Variants in BACH2 observed in about 807,000 individuals in gnomAD.
BACH2 encodes transcription regulator protein BACH2.
In BACH2, 5 loss-of-function variants were observed where a neutral mutation model predicts 61.8. The ratio of observed to expected loss-of-function variants is 0.08; its 90% CI spans 0.04 to 0.17. BACH2 has a LOEUF of 0.17. BACH2 is among the 10% of genes least tolerant of loss of function. The pLI is 1.00. For synonymous variants in BACH2, 446 were observed against 440.1 expected, an observed-to-expected ratio of 1.01 and a Z score of -0.17; for missense variants, 824 against 1,091.1, an observed-to-expected ratio of 0.76 and a Z score of 3.45.
At chr6:90,229,257 A>G (rs1299484126) in intron 3 of BACH2, among the ~76,000 whole-genome samples, 2 of 152,278 alleles carry the variant, frequency 1.3e-5, no homozygotes, top group Admixed American at 1.3e-4. Context: ...TCGGGAGTTC[A>G]AGACCAGCCT....
chr6:90,234,094 C>T (rs929529382), intron 3 of BACH2, among the ~76,000 whole-genome samples: 1 of 152,162 alleles, frequency 6.6e-6, no homozygotes, highest in Non-Finnish European at 1.5e-5. Context: ...AACACTGAGG[C>T]CAGCATCAGG....
At chr6:89,960,916 T>C (rs1347131177) in intron 6 of BACH2, among the ~76,000 whole-genome samples, 1 of 152,190 alleles carries the variant, frequency 6.6e-6, no homozygotes, top group Non-Finnish European at 1.5e-5. Flanking sequence ...AGGTATTTCT[T>C]TGGTTGTTTC....
chr6:90,129,325 A>C (rs945127575), intron 4 of BACH2, among the ~76,000 whole-genome samples: 1 of 152,100 alleles, frequency 6.6e-6, no homozygotes, highest in African/African-American at 2.4e-5. Flanking sequence ...CTTCTCTGTC[A>C]CATATTTCTT....
At chr6:90,238,227 C>G (rs1281050665) in intron 3 of BACH2, among the ~76,000 whole-genome samples, 1 of 152,094 alleles carries the variant, frequency 6.6e-6, no homozygotes, top group Non-Finnish European at 1.5e-5. Context: ...ATCGATCGAT[C>G]GATCATCTAT....
At chr6:90,246,566 A>G (rs888988845) in intron 3 of BACH2, among the ~76,000 whole-genome samples, 2 of 152,308 alleles carry the variant, frequency 1.3e-5, no homozygotes, top group South Asian at 4.1e-4. Context: ...ATGTTCTCTT[A>G]GTACAAACTG....
intron 4 of BACH2, among the ~76,000 whole-genome samples, chr6:90,170,890 A>G (rs1767788522): frequency 6.6e-6 from 1 of 152,208 alleles, no homozygotes; most frequent in African/African-American, 2.4e-5. Context: ...AGGAAATTAG[A>G]ACCTAGAGAA....
intron 1 of BACH2, among the ~76,000 whole-genome samples, chr6:90,293,443 G>A (rs1179709828): frequency 3.3e-5 from 5 of 152,194 alleles, no homozygotes; most frequent in African/African-American, 4.8e-5. Flanking sequence ...CAACAATACA[G>A]ATTGGCTTGA....
chr6:90,253,290 AG>A (rs1489006319), intron 2 of BACH2, among the ~76,000 whole-genome samples: 2 of 152,220 alleles, frequency 1.3e-5, no homozygotes, highest in African/African-American at 4.8e-5. Context: ...CTACCTTTTA[AG>A]GAACTTTCTG....
At chr6:89,997,030 CAT>C (rs1491025752) in intron 6 of BACH2, among the ~76,000 whole-genome samples, 3 of 140,066 alleles carry the variant, frequency 2.1e-5, no homozygotes, top group Non-Finnish European at 3.2e-5. Context: ...CACACACACA[CAT>C]GCATGCTCCT....
chr6:89,971,264 T>C (rs1027995280), intron 6 of BACH2, among the ~76,000 whole-genome samples: 5 of 152,208 alleles, frequency 3.3e-5, no homozygotes, highest in Non-Finnish European at 7.3e-5. Context: ...GGATTAAGTT[T>C]ATAGGCTGAG....
At chr6:89,993,493 T>C (rs1776686827) in intron 6 of BACH2, among the ~76,000 whole-genome samples, 1 of 152,198 alleles carries the variant, frequency 6.6e-6, no homozygotes, top group South Asian at 2.1e-4. Flanking sequence ...AGGAAAACCC[T>C]GGCAATCCAT....
At chr6:89,978,313 T>A (rs1365907937) in intron 6 of BACH2, among the ~76,000 whole-genome samples, 1 of 152,098 alleles carries the variant, frequency 6.6e-6, no homozygotes, top group Non-Finnish European at 1.5e-5. Context: ...ATTGCATGAA[T>A]AACATGCAAC....
intron 4 of BACH2, among the ~76,000 whole-genome samples, chr6:90,113,256 T>G (rs1783254278): frequency 6.6e-6 from 1 of 152,192 alleles, no homozygotes; most frequent in South Asian, 2.1e-4. Flanking sequence ...CAAACAGATC[T>G]GATAAACCTT....
intron 3 of BACH2, among the ~76,000 whole-genome samples, chr6:90,214,199 T>G (rs910907935): frequency 1.3e-5 from 2 of 152,252 alleles, no homozygotes; most frequent in African/African-American, 4.8e-5. Context: ...AGGCAACTCT[T>G]GATCCATTTG....
chr6:90,104,268 C>CA (rs1323573715), intron 4 of BACH2: 2 of 152,126 alleles, frequency 1.3e-5, no homozygotes, highest in Admixed American at 6.5e-5. Context: ...TCAGAGGGAA[C>CA]AGGAACAAAG....
intron 4 of BACH2, among the ~76,000 whole-genome samples, chr6:90,146,258 C>T (rs1784616157): frequency 6.6e-6 from 1 of 152,142 alleles, no homozygotes; most frequent in African/African-American, 2.4e-5. Flanking sequence ...ATGTACTGAC[C>T]AAGGTCATGA....
chr6:90,097,220 G>A (rs1782415975), intron 4 of BACH2, among the ~76,000 whole-genome samples: 1 of 152,172 alleles, frequency 6.6e-6, no homozygotes, highest in Admixed American at 6.5e-5. Flanking sequence ...TGTCCACATG[G>A]GAAGCCCGTG....
intron 4 of BACH2, among the ~76,000 whole-genome samples, chr6:90,133,136 A>G (rs2127824117): frequency 6.6e-6 from 1 of 152,294 alleles, no homozygotes; most frequent in Non-Finnish European, 1.5e-5. Context: ...CCAGAAGATT[A>G]TATTTTCTAC....
At chr6:90,290,849 TCTAA>T (rs1772156491) in intron 1 of BACH2, among the ~76,000 whole-genome samples, 1 of 152,156 alleles carries the variant, frequency 6.6e-6, no homozygotes, top group African/African-American at 2.4e-5. Context: ...AAAGCTTTCT[TCTAA>T]CTAACTGGGA....
Sources: allele counts gnomAD v4.1 joint callset (sites outside exome capture counted in the v4.1 genomes callset), GRCh38; gene constraint gnomAD v4.1.1; transcripts MANE v1.5; gene names NCBI Gene and HGNC (gene_info 2026-07-23, HGNC 2026-07-21).